ASCC3: variants seen among roughly 807,000 people sequenced by gnomAD.
The protein encoded by ASCC3 is activating signal cointegrator 1 complex subunit 3, also known as ASC-1 complex subunit P200.
In ASCC3, 158 loss-of-function variants were observed where a neutral mutation model predicts 256.3. The ratio of observed to expected loss-of-function variants is 0.62; its 90% confidence interval spans 0.54 to 0.70. ASCC3 has a LOEUF of 0.70. ASCC3 is among the 30% of genes least tolerant of loss of function. ASCC3 has a pLI of 0.00. For synonymous variants in ASCC3, 948 were observed against 883.4 expected, an observed-to-expected ratio of 1.07 and a Z score of -1.30; for missense variants, 2,259 against 2,626.0, an observed-to-expected ratio of 0.86 and a Z score of 3.05.
intron 27 of ASCC3, among the ~76,000 whole-genome samples, chr6:100,628,665 G>C (rs186855771): frequency 6.6e-6 from 1 of 152,014 alleles, no homozygotes; most frequent in Non-Finnish European, 1.5e-5. Flanking sequence ...AGCTTCCTGA[G>C]GCCTCCCCAG....
At chr6:100,858,654 C>A (rs1773075877) in intron 3 of ASCC3, 1 of 999,678 alleles carries the variant, frequency 1.0e-6, no homozygotes, top group South Asian at 4.3e-5. Context: ...TGATCACACA[C>A]ACACATCATG....
At chr6:100,654,630 CAG>C (rs1775829064) in intron 17 of ASCC3, among the ~76,000 whole-genome samples, 1 of 151,986 alleles carries the variant, frequency 6.6e-6, no homozygotes, top group South Asian at 2.1e-4. Context: ...TATGTTATAA[CAG>C]AGCAATTTGG....
At chr6:100,517,526 G>T (rs984738842) in intron 38 of ASCC3, among the ~76,000 whole-genome samples, 3 of 152,052 alleles carry the variant, frequency 2.0e-5, no homozygotes, top group Non-Finnish European at 4.4e-5. Flanking sequence ...TTACGTATAG[G>T]TTATATCTTG....
At chr6:100,553,920 T>C (rs919503504) in intron 36 of ASCC3, among the ~76,000 whole-genome samples, 3 of 152,146 alleles carry the variant, frequency 2.0e-5, no homozygotes, top group African/African-American at 7.2e-5. Context: ...ACTGGGGATA[T>C]ACACTATTAC....
In ASCC3 at chr6:100,662,346, TTAA is replaced by T. The variant is rs2114932831; in HGVS notation, c.2474_2476del (p.Ile825del). On this transcript the variant is annotated inframe_deletion and splice_region_variant, in exon 15 of 42. Transcript: ENST00000369162. ...TTATCAAGGAAGGTAAGCTCTTACC[TTAA>T]TAATAACAGCATGGGCGGGAAGATT... 1.2e-6 allele frequency: 2 copies of T among 1,612,586 alleles called. No individual in the cohort carries two copies. The highest frequency in any genetic ancestry group is 1.7e-6 in the Non-Finnish European group (2 of 1,179,092).
intron 8 of ASCC3, among the ~76,000 whole-genome samples, chr6:100,797,059 C>A (rs1188095388): frequency 6.6e-6 from 1 of 152,042 alleles, no homozygotes; most frequent in Admixed American, 6.6e-5. Context: ...AAAAATGGAA[C>A]AAAGTACTTA....
intron 4 of ASCC3, among the ~76,000 whole-genome samples, chr6:100,807,238 A>C (rs978768875): frequency 1.4e-4 from 21 of 151,972 alleles, no homozygotes; most frequent in Non-Finnish European, 2.9e-4. Context: ...GTAAAGAAGC[A>C]AGATAACAGG....
intron 1 of ASCC3, among the ~76,000 whole-genome samples, chr6:100,874,023 C>T (rs1773869480): frequency 6.6e-6 from 1 of 152,048 alleles, no homozygotes; most frequent in South Asian, 2.1e-4. Context: ...TGTTTTCTTC[C>T]CCAGGTTGAA....
In ASCC3 at chr6:100,700,452, C is replaced by T. The variant is rs559208175; in HGVS notation, c.2151+15010G>A. Reference sequence around the variant, plus strand: ...CCTCCACACAGAGTCCCTACTGGGGCACCACCTAGTAGAGCTGTGAGAAGA... The same window carrying T: ...CCTCCACACAGAGTCCCTACTGGGGTACCACCTAGTAGAGCTGTGAGAAGA... On this transcript the variant is annotated intron_variant, in intron 13 of 41. Coordinates refer to ENST00000369162, the MANE Select transcript of ASCC3 (RefSeq NM_006828.4). 8.8e-4 allele frequency among the ~76,000 whole-genome samples: 134 copies of T among 152,286 alleles called. 4 individuals are homozygous for T. Among genetic ancestry groups the T allele is most frequent in the East Asian group, 2.3e-3 (12 of 5,164 alleles).
intron 14 of ASCC3, among the ~76,000 whole-genome samples, chr6:100,671,012 G>C (rs189992479): frequency 2.6e-4 from 39 of 151,964 alleles, no homozygotes; most frequent in Non-Finnish European, 2.2e-4. Flanking sequence ...TTTCTGAGTT[G>C]ATTTGGAAAG....
chr6:100,511,840 A>C (rs1312906232), intron 40 of ASCC3, among the ~76,000 whole-genome samples: 1 of 152,222 alleles, frequency 6.6e-6, no homozygotes, highest in East Asian at 1.9e-4. Context: ...CTGAAAGAAC[A>C]TCTTAAGAAT....
chr6:100,798,913 G>A (rs1769770630), intron 7 of ASCC3, 75 bp from the exon 8 acceptor site: 2 of 1,336,176 alleles, frequency 1.5e-6, no homozygotes, highest in Admixed American at 3.7e-5. Flanking sequence ...TCTTTAGAGA[G>A]AGACAGAAAA....
intron 14 of ASCC3, among the ~76,000 whole-genome samples, chr6:100,662,917 T>C (rs1776295023): frequency 6.6e-6 from 1 of 152,014 alleles, no homozygotes. Flanking sequence ...GTCATTACAA[T>C]GCAAGACTAT....
At chr6:100,706,756 C>A (rs1778607441) in intron 13 of ASCC3, among the ~76,000 whole-genome samples, 1 of 151,966 alleles carries the variant, frequency 6.6e-6, no homozygotes, top group Non-Finnish European at 1.5e-5. Flanking sequence ...ACAGAGCAAG[C>A]CTTTTCAGAA....
intron 14 of ASCC3, among the ~76,000 whole-genome samples, chr6:100,669,023 A>G (rs570963364): frequency 6.6e-6 from 1 of 151,720 alleles, no homozygotes; most frequent in Admixed American, 6.6e-5. Context: ...GTATAATTAT[A>G]AATTAATTAT....
At chr6:100,766,524 A>T in intron 10 of ASCC3, 41 bp downstream of exon 10, 1 of 1,592,990 alleles carries the variant, frequency 6.3e-7, no homozygotes, top group Non-Finnish European at 8.6e-7. Flanking sequence ...TTACCTAAAA[A>T]AAGAATGGTA....
chr6:100,670,014 AT>A (rs1234480850), intron 14 of ASCC3, among the ~76,000 whole-genome samples: 1 of 151,970 alleles, frequency 6.6e-6, no homozygotes, highest in Admixed American at 6.6e-5. Flanking sequence ...GGTAAAAAAA[AT>A]CATAAACAAA....
chr6:100,651,445 T>C (rs1256806131), intron 19 of ASCC3, 115 bp downstream of exon 19: 2 of 421,024 alleles, frequency 4.8e-6, no homozygotes, highest in East Asian at 8.2e-5. Context: ...AGAACATTGC[T>C]GATATTCCAA....
intron 37 of ASCC3, among the ~76,000 whole-genome samples, chr6:100,523,122 G>A (rs1774390293): frequency 6.6e-6 from 1 of 151,364 alleles, no homozygotes; most frequent in South Asian, 2.1e-4. Context: ...GTTGAAGAGG[G>A]AATGTGGTAT....
Sources: allele counts gnomAD v4.1 joint callset (sites outside exome capture counted in the v4.1 genomes callset), GRCh38; gene constraint gnomAD v4.1.1; transcripts MANE v1.5; gene names NCBI Gene and HGNC (gene_info 2026-07-23, HGNC 2026-07-21).